Variants in CASKIN2 observed in about 807,000 individuals in gnomAD.
The protein encoded by CASKIN2 is caskin-2.
In CASKIN2, 41 loss-of-function variants were observed where a neutral mutation model predicts 107.1. The ratio of observed to expected loss-of-function variants is 0.38; its 90% CI spans 0.30 to 0.50. The LOEUF is 0.50. Ranked by LOEUF, CASKIN2 falls within the 20% of genes least tolerant of loss-of-function variation. CASKIN2 has a pLI of 0.92. For missense variants in CASKIN2, 1,546 were observed against 1,657.4 expected (o/e 0.93, Z 1.17); for synonymous variants, 724 against 705.6 (o/e 1.03, Z -0.41).
chr17:75,504,533 G>A (rs768348981), intron 12 of CASKIN2, 39 bp downstream of exon 12: 16 of 1,595,766 alleles, frequency 1.0e-5, no homozygotes, highest in Non-Finnish European at 1.3e-5. Flanking sequence ...TGGCAGTGGG[G>A]AGTGAGCCCT....
chr17:75,509,022 G>C (rs564452139), intron 2 of CASKIN2, among the ~76,000 whole-genome samples: 1 of 152,248 alleles, frequency 6.6e-6, no homozygotes, highest in Non-Finnish European at 1.5e-5. Context: ...TCCCCACTGG[G>C]ATCTCCATGG....
At position 75,507,184 on chromosome 17, in the gene CASKIN2, G is replaced by A. The variant is rs546949846; in HGVS notation, c.245-55C>T. The A allele has an allele frequency of 1.4e-5, 22 of 1,557,718 alleles. No individual in the cohort carries two copies. In the East Asian group the frequency reaches 3.9e-4, roughly 28 times the overall value. ...GTCCTGGGACGGCGTTGGGGGTGGA[G>A]AGGAACTGAGCAGAGTACGGAGCCA... On this transcript the variant is annotated intron_variant, in intron 4 of 19. Coordinates refer to ENST00000321617, the MANE Select transcript of CASKIN2 (RefSeq NM_020753.5).
chr17:75,507,766 G>T lies in CASKIN2; in HGVS notation c.147-85C>A, dbSNP rs2053280907. On this transcript the variant is annotated intron_variant, in intron 3 of 19. Coordinates refer to ENST00000321617, the MANE Select transcript of CASKIN2 (RefSeq NM_020753.5). ...GGTCTTCCATACCCGAACCTATCCT[G>T]GGGGCTGGCAGGGATGGGTTACTGG... 20 of 1,069,020 alleles carry T rather than the reference G, an allele frequency of 1.9e-5. No individual in the cohort carries two copies. In the South Asian group the frequency reaches 2.5e-4, roughly 13 times the overall value. The allele number at this position is 1,069,020 out of a possible 1,614,324, so 66.2% of individuals were successfully genotyped here.
intron 2 of CASKIN2, among the ~76,000 whole-genome samples, chr17:75,512,243 C>A (rs1348834275): frequency 6.6e-6 from 1 of 152,190 alleles, no homozygotes; most frequent in Non-Finnish European, 1.5e-5. Context: ...CAGAGGAGAC[C>A]TTCCCATCCA....
rs768589870 is a variant in CASKIN2 at position 75,506,968 on chromosome 17, G to A, written c.390+16C>T. On this transcript the variant is annotated intron_variant, in intron 5 of 19. Coordinates refer to ENST00000321617, the MANE Select transcript of CASKIN2 (RefSeq NM_020753.5). This position sits in a 1 kb window ranked among gnomAD's most constrained non-coding sequence, Gnocchi z 4.8. ...ACCCTGCCCTGCGCCACGCCCCTGT[G>A]GGCAGCCTCACGTACCACCTCATAA... 3.1e-6 allele frequency: 5 copies of A among 1,613,156 alleles called. No individual in the cohort carries two copies. Among genetic ancestry groups the A allele is most frequent in the Admixed American group, 3.3e-5 (2 of 59,994 alleles).
At position 75,502,843 on chromosome 17, in the gene CASKIN2, G is replaced by A. The variant is rs200541289; in HGVS notation, c.2231C>T (p.Ser744Phe). 1 of 1,551,244 alleles carries A rather than the reference G, an allele frequency of 6.4e-7. No homozygotes were observed. Among genetic ancestry groups the A allele is most frequent in the South Asian group, 1.2e-5 (1 of 81,336 alleles). ...EGTERPPKLC[S>F]SLPGQGPPPY... The stretch of plus-strand genomic sequence containing the variant: ...TGGGGGTCCTTGGCCAGGAAGTGAA[G>A]AACAAAGCTTAGGGGGCCGCTCTGT... Residue 744 changes from serine (S) to phenylalanine (F), a missense_variant, in exon 18 of 20, where the codon TCT becomes TTT. Physicochemically the swap from Ser to Phe is radical, Grantham distance 155. Around this residue, in one of 6 missense-constraint regions of CASKIN2, gnomAD observed 1,311 missense variants for 1,311.0 expected, o/e 1.00. Transcript: ENST00000321617. This position sits in a 1 kb window ranked among gnomAD's most constrained non-coding sequence, Gnocchi z 4.3.
In CASKIN2 at chr17:75,506,576, A is replaced by G; in HGVS notation, c.617+7T>C. 6.2e-7 allele frequency: 1 copy of G among 1,612,532 alleles called. No individual in the cohort carries two copies. The highest frequency in any genetic ancestry group is 1.1e-5 in the South Asian group (1 of 91,030). ...GTGATGAGGAAGCGAGGGGACCCCA[A>G]GGGTACCTGATGACTTCTCTGTGGC... On this transcript the variant is annotated splice_region_variant and intron_variant, in intron 7 of 19. Transcript: ENST00000321617. This position sits in a 1 kb window ranked among gnomAD's most constrained non-coding sequence, Gnocchi z 4.8.
Position 75,503,521 on chromosome 17 carries a change from G to C in CASKIN2, c.1687C>G (p.Leu563Val). ...CCCAGTGCACACAGCCACTCCAGCA[G>C]GTCCGTCTGGAAGAGCACCGTCCTC... ...EWLPSYIPTDLLEWLCALGLP... is the reference protein window; with the variant it reads ...EWLPSYIPTDVLEWLCALGLP... Residue 563 changes from leucine to valine, a missense_variant, in exon 17 of 20, where the codon CTG (leucine) becomes GTG (valine). Transcript: ENST00000321617. The C allele has an allele frequency of 3.1e-6, 5 of 1,609,534 alleles. No individual in the cohort carries two copies. The highest frequency in any genetic ancestry group is 8.5e-7 in the Non-Finnish European group (1 of 1,179,292).
chr17:75,513,636 C>A (rs1465222950), intron 2 of CASKIN2, 75 bp downstream of exon 2: 10 of 1,077,294 alleles, frequency 9.3e-6, no homozygotes, highest in Non-Finnish European at 1.4e-5. Context: ...ATCACAGTGA[C>A]CCACCCCCAC....
chr17:75,503,906 G>A lies in CASKIN2; in HGVS notation c.1524C>T (p.Ala508=). 6.2e-7 allele frequency: 1 copy of A among 1,612,864 alleles called. No homozygotes were observed. Among genetic ancestry groups the A allele is most frequent in the Non-Finnish European group, 8.5e-7 (1 of 1,179,938 alleles). Residue 508 remains alanine (A), a synonymous_variant, in exon 15 of 20, where the codon GCC becomes GCT. Transcript: ENST00000321617. The part of the protein sequence containing the change: ...LSEFQLEGYT[A]HFLQAGYDVP... ...CATCATAGCCGGCCTGCAGAAAGTG[G>A]GCAGTGTAGCCCTCCAGCTGGAACT...
In CASKIN2 at chr17:75,503,733, G is replaced by T; in HGVS notation, c.1606C>A (p.Pro536Thr). 6.2e-7 allele frequency: 1 copy of T among 1,612,388 alleles called. No individual in the cohort carries two copies. Among genetic ancestry groups the T allele is most frequent in the Non-Finnish European group, 8.5e-7 (1 of 1,179,978 alleles). Residue 536 changes from proline to threonine, a missense_variant, in exon 16 of 20, where the codon CCT becomes ACT. Pro to Thr is a conservative substitution (Grantham distance 38). Transcript: ENST00000321617. Reference sequence around the variant, plus strand: ...GAGGCGATCTTCTTCCTGTGCCCAGGCTTGGTCACCCCGATGGCCGTCAGG... The same window carrying T: ...GAGGCGATCTTCTTCCTGTGCCCAGTCTTGGTCACCCCGATGGCCGTCAGG... ...EDLTAIGVTK[P>T]GHRKKIASEI...
chr17:75,511,827 T>C (rs2053318335), intron 2 of CASKIN2, among the ~76,000 whole-genome samples: 1 of 152,214 alleles, frequency 6.6e-6, no homozygotes. Context: ...TTCCCGCCAC[T>C]GGCCTCCAAA....
rs1598466094 is a variant in CASKIN2, at chr17:75,505,381, A to G, written c.930+176T>C. On this transcript the variant is annotated intron_variant, in intron 10 of 19. Transcript: ENST00000321617. This position sits in a 1 kb window ranked among gnomAD's most constrained non-coding sequence, Gnocchi z 5.1. ...TTGATTTTATTTTGTTTAATTCTCA[A>G]TTTTGTCATCTGTAAAGAAGAAATG... 2 of 676,080 alleles carry G rather than the reference A, an allele frequency of 3.0e-6. No individual in the cohort carries two copies. Among genetic ancestry groups the G allele is most frequent in the East Asian group, 2.6e-5 (1 of 38,964 alleles). 41.9% of individuals were successfully genotyped at this position (676,080 alleles called of 1,614,324 possible). A position where few individuals can be genotyped will look rare whatever the true frequency, so the allele number is the denominator to read the frequency against.
At chr17:75,509,880 G>C in intron 2 of CASKIN2, 1 of 985,776 alleles carries the variant, frequency 1.0e-6, no homozygotes, top group Non-Finnish European at 1.2e-6. Flanking sequence ...CCCGAGAGGA[G>C]CAGGACAATG....
At position 75,512,480 on chromosome 17, in the gene CASKIN2, G is replaced by A. The variant is rs1003166513; in HGVS notation, c.94+1231C>T. Among the ~76,000 whole-genome samples, 6 of 152,192 alleles carry A rather than the reference G, an allele frequency of 3.9e-5. No homozygotes were observed. The South Asian group carries it at 6.2e-4, about 16-fold the overall frequency. ...ATCCCCCACAGCCCGGTCAGGTCTC[G>A]AGGCTAGGTGAAAATCTCCAGTAAA... On this transcript the variant is annotated intron_variant, in intron 2 of 19. Coordinates refer to ENST00000321617, the MANE Select transcript of CASKIN2 (RefSeq NM_020753.5).
In CASKIN2 at chr17:75,502,355, G is replaced by A. The variant is rs1005118857; in HGVS notation, c.2719C>T (p.Leu907=). 7 of 1,481,670 alleles carry A rather than the reference G, an allele frequency of 4.7e-6. No homozygotes were observed. In the South Asian group the frequency reaches 5.6e-5, roughly 12 times the overall value. 91.8% of individuals were successfully genotyped at this position (1,481,670 alleles called of 1,614,324 possible). ...TCTGAGGGGCCAGCAGGTTCACTCA[G>A]TGTTCGCCTTCGGGGCCCTGTGGCC... The part of the protein sequence containing the change: ...EGATGPRRRT[L]SEPAGPSEPP... The change falls in exon 18 of 20, where the codon CTG becomes TTG. Residue 907 remains leucine (L), a synonymous_variant. Transcript: ENST00000321617. The surrounding 1 kb of genome is among the most constrained non-coding windows in gnomAD (Gnocchi z 4.3).
In CASKIN2 at chr17:75,505,150, G is replaced by C; in HGVS notation, c.931-77C>G. ...GGCAAACGGTTGTCCCTGCAGCTGC[G>C]GTCCGGCAACCCTGGTCCAGCTCTT... On this transcript the variant is annotated intron_variant, in intron 10 of 19. Coordinates refer to ENST00000321617, the MANE Select transcript of CASKIN2 (RefSeq NM_020753.5). The surrounding 1 kb of genome is among the most constrained non-coding windows in gnomAD (Gnocchi z 5.1). The C allele has an allele frequency of 6.7e-7, 1 of 1,501,100 alleles. No homozygotes were observed. Among genetic ancestry groups the C allele is most frequent in the South Asian group, 1.1e-5 (1 of 87,020 alleles). 93.0% of individuals were successfully genotyped at this position (1,501,100 alleles called of 1,614,324 possible).
At chr17:75,508,404 G>A in intron 2 of CASKIN2, 119 bp from the exon 3 acceptor site, 1 of 1,115,502 alleles carries the variant, frequency 9.0e-7, no homozygotes, top group Non-Finnish European at 1.3e-6. Context: ...CCTGCCCCAT[G>A]GCCTTCCGCC....
Position 75,504,961 on chromosome 17 carries a change from C to T in CASKIN2, c.1043G>A (p.Arg348Gln), listed in dbSNP as rs765329135. 3.3e-5 allele frequency: 53 copies of T among 1,611,818 alleles called. No individual in the cohort carries two copies. Among genetic ancestry groups the T allele is most frequent in the Non-Finnish European group, 4.2e-5 (50 of 1,179,548 alleles). ...GAGGCGGGCTGCAGGGATGCCCACC[C>T]GCTTGCTGACCACCTCGACAATGCC... is the stretch of plus-strand genomic sequence containing the variant. ...PPGIVEVVSKRVGIPAARLPS... is the reference protein window; with the variant it reads ...PPGIVEVVSKQVGIPAARLPS... Residue 348 changes from arginine to glutamine, a missense_variant, in exon 11 of 20, where the codon CGG becomes CAG. Around this residue, in one of 6 missense-constraint regions of CASKIN2, gnomAD observed 1,311 missense variants for 1,311.0 expected, o/e 1.00. Coordinates refer to ENST00000321617, the MANE Select transcript of CASKIN2 (RefSeq NM_020753.5).
Sources: allele counts gnomAD v4.1 joint callset (sites outside exome capture counted in the v4.1 genomes callset), GRCh38; gene constraint gnomAD v4.1.1; regional missense constraint gnomAD v4.1.1; non-coding constraint Gnocchi (gnomAD v3.1); transcripts MANE v1.5; gene names NCBI Gene and HGNC (gene_info 2026-07-23, HGNC 2026-07-21).